Variants in TDRD12 observed in about 807,000 individuals in gnomAD.
The protein encoded by TDRD12 is tudor domain containing 12.
A neutral mutation model predicts 133.5 loss-of-function variants in TDRD12; 158 were observed. The observed-to-expected ratio is 1.18, with a 90% CI of 1.04 to 1.35. The LOEUF (loss-of-function observed/expected upper bound fraction) is 1.35. TDRD12 is among the 40% of genes most tolerant of loss of function. The pLI is 0.00. For missense variants in TDRD12, 1,443 were observed against 1,321.3 expected, an observed-to-expected ratio of 1.09 and a Z score of -1.43; for synonymous variants, 460 against 477.9, an observed-to-expected ratio of 0.96 and a Z score of 0.49.
At chr19:32,748,375 T>G in intron 4 of TDRD12, 101 bp from the exon 5 acceptor site, 1 of 1,178,006 alleles carries the variant, frequency 8.5e-7, no homozygotes, top group Non-Finnish European at 1.2e-6. Context: ...ACGTGTTCCA[T>G]ATGTAGTGTG....
At chr19:32,740,819 G>A (rs936379673) in intron 3 of TDRD12, among the ~76,000 whole-genome samples, 1 of 152,338 alleles carries the variant, frequency 6.6e-6, no homozygotes. Flanking sequence ...GGGAGGGTGT[G>A]ACCATCAATG....
rs576143560 is a variant in TDRD12, at chr19:32,816,753, C to T, written c.3314+1133C>T. On this transcript the variant is annotated intron_variant, in intron 26 of 27. Coordinates refer to ENST00000444215, the Ensembl canonical transcript of TDRD12. ...ATTAGAGAGACTGTGACAGTCACTC[C>T]GAGGAGGGATCCTGGCAGCTCCAGA... is the stretch of plus-strand genomic sequence containing the variant. 3.9e-5 allele frequency among the ~76,000 whole-genome samples: 6 copies of T among 152,242 alleles called. 1 individual carries two copies. Among genetic ancestry groups the T allele is most frequent in the African/African-American group, 1.2e-4 (5 of 41,550 alleles).
At chr19:32,740,635 G>C (rs1310568292) in intron 3 of TDRD12, among the ~76,000 whole-genome samples, 1 of 152,176 alleles carries the variant, frequency 6.6e-6, no homozygotes, top group Non-Finnish European at 1.5e-5. Flanking sequence ...CTGCTCTCCT[G>C]CCTGTCCTCA....
chr19:32,797,588 A>G (rs1023513285), intron 14 of TDRD12, 147 bp from the exon 15 acceptor site: 14 of 502,388 alleles, frequency 2.8e-5, no homozygotes, highest in Non-Finnish European at 4.5e-5. Context: ...TAATGAAATT[A>G]TATCGTCACT....
chr19:32,757,341 G>T (rs1970025742), intron 8 of TDRD12, among the ~76,000 whole-genome samples: 1 of 152,146 alleles, frequency 6.6e-6, no homozygotes, highest in African/African-American at 2.4e-5. Flanking sequence ...GAACATAACA[G>T]GCACCAGTTC....
At chr19:32,727,330 A>G (rs1295193384) in intron 1 of TDRD12, among the ~76,000 whole-genome samples, 2 of 152,128 alleles carry the variant, frequency 1.3e-5, no homozygotes, top group Admixed American at 6.5e-5. Flanking sequence ...GGGTTTTTGT[A>G]TTGTTTTAGG....
At chr19:32,816,315 C>G (rs1967179656) in intron 26 of TDRD12, among the ~76,000 whole-genome samples, 4 of 152,184 alleles carry the variant, frequency 2.6e-5, no homozygotes, top group Admixed American at 2.6e-4. Flanking sequence ...TCCCCTCCCT[C>G]TAGGTACTCC....
intron 11 of TDRD12, among the ~76,000 whole-genome samples, chr19:32,786,146 A>G (rs1568477395): frequency 6.6e-6 from 1 of 152,130 alleles, no homozygotes; most frequent in Admixed American, 6.5e-5. Flanking sequence ...ATCTCTCAGC[A>G]TTTGTTTGTC....
chr19:32,782,151 G>A (rs899445771), intron 11 of TDRD12, among the ~76,000 whole-genome samples: 1 of 132,954 alleles, frequency 7.5e-6, no homozygotes, highest in African/African-American at 2.8e-5. Context: ...AGTGTGTGAT[G>A]TTCTCTTCCC....
At chr19:32,756,469 G>C (rs1410110181) in intron 7 of TDRD12, among the ~76,000 whole-genome samples, 2 of 151,364 alleles carry the variant, frequency 1.3e-5, no homozygotes, top group African/African-American at 4.9e-5. Context: ...CTCACTGCAA[G>C]CTCCTCCCCC....
Position 32,789,004 on chromosome 19 carries a change from C to T in TDRD12, c.1122-1527C>T, listed in dbSNP as rs76877854. On this transcript the variant is annotated intron_variant, in intron 11 of 27. Coordinates refer to ENST00000444215, the Ensembl canonical transcript of TDRD12. Reference sequence around the variant, plus strand: ...CTGTTTGCAGCTAGGCCTACAGCCCCGAGTCCTGAGAGTTCTGCTTTATCC... The same window carrying T: ...CTGTTTGCAGCTAGGCCTACAGCCCTGAGTCCTGAGAGTTCTGCTTTATCC... Among the ~76,000 whole-genome samples, 680 of 152,308 alleles carry T rather than the reference C, an allele frequency of 4.5e-3. 5 individuals are homozygous for T. Among genetic ancestry groups the T allele is most frequent in the African/African-American group, 0.015 (627 of 41,566 alleles).
intron 5 of TDRD12, among the ~76,000 whole-genome samples, chr19:32,749,456 A>G (rs1969756151): frequency 6.6e-6 from 1 of 152,102 alleles, no homozygotes; most frequent in South Asian, 2.1e-4. Flanking sequence ...TTGAGTCTCT[A>G]AGGGAGTAGC....
intron 4 of TDRD12, among the ~76,000 whole-genome samples, chr19:32,746,093 G>T (rs71351192): frequency 7.4e-6 from 1 of 134,286 alleles, no homozygotes; most frequent in African/African-American, 2.9e-5. Context: ...TGTGACAGAG[G>T]GGGAGAGAGA....
rs2145685445 is a variant in TDRD12 at position 32,797,674 on chromosome 19, C to T, written c.1474-61C>T. 3 of 583,962 alleles carry T rather than the reference C, an allele frequency of 5.1e-6. No homozygotes were observed. In the South Asian group the frequency reaches 6.9e-5, roughly 13 times the overall value. 36.2% of individuals were successfully genotyped at this position (583,962 alleles called of 1,614,324 possible). On this transcript the variant is annotated intron_variant, in intron 14 of 27. Transcript: ENST00000444215. The stretch of plus-strand genomic sequence containing the variant: ...GTGCAAGGAGATGTTCTTGATGTTT[C>T]ATATGGATGCTGAATTCCTAACTAC...
intron 2 of TDRD12, among the ~76,000 whole-genome samples, chr19:32,735,034 A>G (rs924553327): frequency 1.3e-5 from 2 of 152,162 alleles, no homozygotes; most frequent in Non-Finnish European, 2.9e-5. Flanking sequence ...CTTCCTGTTC[A>G]CTGACACACA....
downstream of TDRD12, among the ~76,000 whole-genome samples, chr19:32,823,955 C>G (rs1967497098): frequency 6.6e-6 from 1 of 152,176 alleles, no homozygotes; most frequent in South Asian, 2.1e-4. Context: ...GGTGGGTCCC[C>G]CAAACCATAG....
intron 27 of TDRD12, 83 bp from the exon 28 acceptor site, chr19:32,820,950 C>T (rs1177064637): frequency 1.1e-5 from 12 of 1,133,492 alleles, no homozygotes; most frequent in African/African-American, 6.2e-5. Context: ...AGGCACTTCA[C>T]GGTCATTTAT....
intron 4 of TDRD12, among the ~76,000 whole-genome samples, chr19:32,743,920 C>G (rs139965697): frequency 0.01 from 1,525 of 150,802 alleles, 24 homozygotes; most frequent in African/African-American, 0.036. Flanking sequence ...CCCAGCTACT[C>G]AGGAGGCTGA....
intron 1 of TDRD12, among the ~76,000 whole-genome samples, chr19:32,723,522 T>A (rs761928033): frequency 1.3e-5 from 2 of 152,128 alleles, no homozygotes; most frequent in Non-Finnish European, 2.9e-5. Context: ...GTGCTGGGAT[T>A]ACAAGCATGA....
Sources: allele counts gnomAD v4.1 joint callset (sites outside exome capture counted in the v4.1 genomes callset), GRCh38; gene constraint gnomAD v4.1.1; transcripts MANE v1.5; gene names NCBI Gene and HGNC (gene_info 2026-07-23, HGNC 2026-07-21).